Variants in AGBL4 observed in about 807,000 individuals in gnomAD.
AGBL4 encodes cytosolic carboxypeptidase 6.
AGBL4 carries 58 observed loss-of-function variants against 66.4 expected under a neutral mutation model. That is an observed-to-expected ratio of 0.87 (90% CI 0.71 to 1.09). The LOEUF is 1.09. Among genes scored for constraint, AGBL4 ranks in the 50% least tolerant of loss-of-function variants. The pLI is 0.00. For synonymous variants in AGBL4, 234 were observed against 222.9 expected, an observed-to-expected ratio of 1.05 and a Z score of -0.44; for missense variants, 579 against 631.0, an observed-to-expected ratio of 0.92 and a Z score of 0.88.
At chr1:48,630,845 C>G (rs1055905048) in intron 9 of AGBL4, among the ~76,000 whole-genome samples, 10 of 152,120 alleles carry the variant, frequency 6.6e-5, no homozygotes, top group African/African-American at 2.2e-4. Flanking sequence ...AGTAAGACAC[C>G]CTCTCAGGGC....
chr1:48,699,823 A>C (rs182087876), intron 6 of AGBL4, among the ~76,000 whole-genome samples: 1 of 152,176 alleles, frequency 6.6e-6, no homozygotes, highest in Non-Finnish European at 1.5e-5. Flanking sequence ...TTCCAAAAAA[A>C]TTACTTGCAT....
At chr1:49,636,792 C>G (rs1645681238) in intron 3 of AGBL4, among the ~76,000 whole-genome samples, 2 of 152,120 alleles carry the variant, frequency 1.3e-5, no homozygotes, top group African/African-American at 2.4e-5. Context: ...ATTTATTGAT[C>G]TGCATGATCC....
chr1:48,784,032 G>T (rs1645356632), intron 6 of AGBL4, among the ~76,000 whole-genome samples: 4 of 152,100 alleles, frequency 2.6e-5, no homozygotes, highest in Admixed American at 2.6e-4. Flanking sequence ...TTAGTCTTAG[G>T]CTCTGGGTCC....
chr1:49,157,598 G>T (rs958761277), intron 4 of AGBL4, among the ~76,000 whole-genome samples: 6 of 152,186 alleles, frequency 3.9e-5, no homozygotes, highest in African/African-American at 1.2e-4. Flanking sequence ...TATATACCCA[G>T]TAATGGGATT....
At chr1:48,906,131 T>G (rs1652565272) in intron 5 of AGBL4, among the ~76,000 whole-genome samples, 1 of 151,674 alleles carries the variant, frequency 6.6e-6, no homozygotes, top group Non-Finnish European at 1.5e-5. Context: ...ATAGGGAAGG[T>G]AAGGGAAATC....
intron 1 of AGBL4, among the ~76,000 whole-genome samples, chr1:49,952,858 G>A (rs993513796): frequency 3.9e-5 from 6 of 151,910 alleles, no homozygotes; most frequent in Non-Finnish European, 8.8e-5. Flanking sequence ...GGCAAAGAAA[G>A]CTATAGCAAC....
intron 3 of AGBL4, among the ~76,000 whole-genome samples, chr1:49,598,627 TG>T (rs1346242274): frequency 6.6e-6 from 1 of 151,994 alleles, no homozygotes; most frequent in South Asian, 2.1e-4. Flanking sequence ...CTGCCCCTAC[TG>T]GGGGGTGCCT....
intron 3 of AGBL4, among the ~76,000 whole-genome samples, chr1:49,566,218 T>A (rs1644200397): frequency 6.6e-6 from 1 of 151,982 alleles, no homozygotes; most frequent in South Asian, 2.1e-4. Flanking sequence ...TTTTTTCAAG[T>A]TTTTAGCTTC....
chr1:48,599,723 G>T (rs1326075508), intron 9 of AGBL4, among the ~76,000 whole-genome samples: 1 of 152,196 alleles, frequency 6.6e-6, no homozygotes, highest in Non-Finnish European at 1.5e-5. Flanking sequence ...CTGGGTTGGA[G>T]CCCAGCTGGG....
At chr1:49,833,509 G>GT (rs1359008531) in intron 2 of AGBL4, among the ~76,000 whole-genome samples, 1 of 152,022 alleles carries the variant, frequency 6.6e-6, no homozygotes, top group Non-Finnish European at 1.5e-5. Flanking sequence ...CTTTAAAGTA[G>GT]TTTTTTCCAA....
At chr1:49,256,701 G>A (rs1652535855) in intron 3 of AGBL4, among the ~76,000 whole-genome samples, 1 of 152,156 alleles carries the variant, frequency 6.6e-6, no homozygotes, top group South Asian at 2.1e-4. Flanking sequence ...AGAAGGCCAA[G>A]AAAAGCAGCA....
chr1:48,919,943 G>T (rs577372541), intron 5 of AGBL4, among the ~76,000 whole-genome samples: 1 of 152,302 alleles, frequency 6.6e-6, no homozygotes, highest in East Asian at 1.9e-4. Context: ...TTCTTCTCTT[G>T]TGTTGCTCAG....
At chr1:48,732,309 A>T (rs1015953717) in intron 6 of AGBL4, among the ~76,000 whole-genome samples, 1 of 152,320 alleles carries the variant, frequency 6.6e-6, no homozygotes. Flanking sequence ...GGGCACTTTG[A>T]TCATAGATCA....
At chr1:48,565,088 C>G (rs1644455096) in intron 11 of AGBL4, among the ~76,000 whole-genome samples, 1 of 152,232 alleles carries the variant, frequency 6.6e-6, no homozygotes, top group East Asian at 1.9e-4. Context: ...CCAATCCCAT[C>G]ATACACCTGG....
chr1:48,560,137 T>C (rs1204668134), intron 11 of AGBL4, among the ~76,000 whole-genome samples: 1 of 152,330 alleles, frequency 6.6e-6, no homozygotes, highest in East Asian at 1.9e-4. Context: ...TGCAGCTTTT[T>C]ATCTTGTGTT....
chr1:49,212,308 C>T (rs559290122), intron 4 of AGBL4, among the ~76,000 whole-genome samples: 1 of 152,192 alleles, frequency 6.6e-6, no homozygotes, highest in South Asian at 2.1e-4. Context: ...TGAATCTTAT[C>T]CTTCCAATTT....
chr1:48,902,245 T>C (rs1329055320), intron 5 of AGBL4, among the ~76,000 whole-genome samples: 1 of 152,232 alleles, frequency 6.6e-6, no homozygotes, highest in African/African-American at 2.4e-5. Flanking sequence ...TTTAAATATG[T>C]GCATTTTATT....
intron 4 of AGBL4, among the ~76,000 whole-genome samples, chr1:49,173,768 C>A (rs914026530): frequency 2.6e-5 from 4 of 152,040 alleles, no homozygotes; most frequent in Non-Finnish European, 5.9e-5. Context: ...GGTAAGTGAA[C>A]CATGTGGATC....
At chr1:48,580,023 T>C (rs1050275953) in intron 11 of AGBL4, among the ~76,000 whole-genome samples, 2 of 151,774 alleles carry the variant, frequency 1.3e-5, no homozygotes, top group South Asian at 2.1e-4. Context: ...CTCAAGACTA[T>C]AGACATTACA....
Sources: allele counts gnomAD v4.1 joint callset (sites outside exome capture counted in the v4.1 genomes callset), GRCh38; gene constraint gnomAD v4.1.1; transcripts MANE v1.5; gene names NCBI Gene and HGNC (gene_info 2026-07-23, HGNC 2026-07-21).